The following PLEKHG5 variants were observed in gnomAD, a reference collection of about 807,000 sequenced individuals.
The protein encoded by PLEKHG5 is pleckstrin homology and RhoGEF domain containing G5, also known as pleckstrin homology domain-containing family G member 5.
Under a neutral mutation model 103.8 loss-of-function variants are expected in PLEKHG5, and 52 were observed. The observed-to-expected ratio is 0.50, with a 90% CI of 0.40 to 0.63. PLEKHG5 has a LOEUF of 0.63. Among genes scored for constraint, PLEKHG5 ranks in the 30% least tolerant of loss-of-function variants. PLEKHG5 has a pLI of 0.00. For missense variants in PLEKHG5, 1,205 were observed against 1,347.6 expected, an observed-to-expected ratio of 0.89 and a Z score of 1.66; for synonymous variants, 592 against 575.5, an observed-to-expected ratio of 1.03 and a Z score of -0.41.
chr1:6,474,886 A>G, intron 5 of PLEKHG5, 161 bp downstream of exon 5: 1 of 741,032 alleles, frequency 1.3e-6, no homozygotes, highest in Admixed American at 1.8e-5. Context: ...ACTCCCTCAC[A>G]CTGGCGTGCA....
intron 1 of PLEKHG5, among the ~76,000 whole-genome samples, chr1:6,511,688 C>T (rs971593336): frequency 2.0e-5 from 3 of 152,228 alleles, no homozygotes; most frequent in Admixed American, 6.5e-5. Flanking sequence ...GCTCACAGAG[C>T]GAGGACTGGG....
chr1:6,469,343 T>C lies in PLEKHG5; in HGVS notation c.2041A>G (p.Asn681Asp). ...LCRGWVDTIYNAQNQLQQLRA... is the reference protein window; with the variant it reads ...LCRGWVDTIYDAQNQLQQLRA... ...CACTACTCTGCACTCACCTGGGCAT[T>C]GTAAATGGTGTCCACCCAGCCACGG... The change falls in exon 18 of 21, where the codon AAT becomes GAT. Residue 681 changes from asparagine (N) to aspartate (D), a missense_variant. Transcript: ENST00000377728. 2.5e-6 allele frequency: 4 copies of C among 1,613,956 alleles called. No homozygotes were observed. The highest frequency in any genetic ancestry group is 1.7e-6 in the Non-Finnish European group (2 of 1,179,864).
upstream of PLEKHG5, among the ~76,000 whole-genome samples, chr1:6,496,010 G>GTT (rs1645218776): frequency 6.6e-6 from 1 of 152,166 alleles, no homozygotes; most frequent in Admixed American, 6.5e-5. Flanking sequence ...AGGATCAACT[G>GTT]GCCCCTTCCT....
upstream of PLEKHG5, among the ~76,000 whole-genome samples, chr1:6,493,945 C>T (rs1645185418): frequency 6.7e-6 from 1 of 150,328 alleles, no homozygotes; most frequent in South Asian, 2.1e-4. Context: ...CAGGCATGAG[C>T]CCCTGCGCCT....
At chr1:6,504,937 G>T (rs923518042) in intron 1 of PLEKHG5, among the ~76,000 whole-genome samples, 3 of 152,084 alleles carry the variant, frequency 2.0e-5, no homozygotes, top group Non-Finnish European at 2.9e-5. Context: ...AATGTGGACC[G>T]CAGGCTGAAC....
upstream of PLEKHG5, among the ~76,000 whole-genome samples, chr1:6,494,320 G>A (rs998486623): frequency 1.3e-5 from 2 of 151,372 alleles, no homozygotes; most frequent in African/African-American, 2.4e-5. Flanking sequence ...TAGTAGAGAT[G>A]GGGTTTCGCC....
upstream of PLEKHG5, among the ~76,000 whole-genome samples, chr1:6,500,491 C>T (rs1474359495): frequency 3.9e-5 from 6 of 152,128 alleles, no homozygotes; most frequent in East Asian, 1.9e-4. Flanking sequence ...GACCTCAGCC[C>T]GACCCTAAGC....
At chr1:6,508,336 G>A (rs1216886632) in intron 1 of PLEKHG5, among the ~76,000 whole-genome samples, 1 of 152,146 alleles carries the variant, frequency 6.6e-6, no homozygotes, top group African/African-American at 2.4e-5. Flanking sequence ...CTCCAAATGT[G>A]CCTCCTGCCT....
At chr1:6,469,895 G>A (rs1026784980) in intron 16 of PLEKHG5, among the ~76,000 whole-genome samples, 1 of 152,242 alleles carries the variant, frequency 6.6e-6, no homozygotes, top group Admixed American at 6.5e-5. Flanking sequence ...GAAGACTGGT[G>A]ACTTTGAAGT....
In PLEKHG5 at chr1:6,467,218, G is replaced by A; in HGVS notation, c.*345C>T. 1 of 498,696 alleles carries A rather than the reference G, an allele frequency of 2.0e-6. No homozygotes were observed. The highest frequency in any genetic ancestry group is 3.7e-5 in the East Asian group (1 of 27,220). The allele number at this position is 498,696 out of a possible 1,614,324, so 30.9% of individuals were successfully genotyped here. ...AGCCAGGGGTGGCCTGTGGGACTGGGAAGGTGGGGGCAGGGCAGGAGTGAA... is the reference window on the plus strand; with the variant it reads ...AGCCAGGGGTGGCCTGTGGGACTGGAAAGGTGGGGGCAGGGCAGGAGTGAA... On this transcript the variant is annotated 3_prime_UTR_variant, in exon 21 of 21. Transcript: ENST00000377728.
rs1638283690 is a variant in PLEKHG5, at chr1:6,505,379, C to T, written c.-164-8810G>A. ...CAGCACAGGTGCGCCCTGCCTCTGCCACCGCTGTTTGAAGCTCCCTGTGTG... is the reference window on the plus strand; with the variant it reads ...CAGCACAGGTGCGCCCTGCCTCTGCTACCGCTGTTTGAAGCTCCCTGTGTG... On this transcript the variant is annotated intron_variant, in intron 1 of 21. Transcript: ENST00000377740. The surrounding 1 kb of genome is among the most constrained non-coding windows in gnomAD (Gnocchi z 4.2). 1.3e-5 allele frequency among the ~76,000 whole-genome samples: 2 copies of T among 152,248 alleles called. No individual in the cohort carries two copies. The highest frequency in any genetic ancestry group is 1.5e-5 in the Non-Finnish European group (1 of 68,026).
At position 6,468,405 on chromosome 1, in the gene PLEKHG5, G is replaced by C. The variant is rs538561788; in HGVS notation, c.2431C>G (p.Arg811Gly). Residue 811 changes from arginine to glycine, a missense_variant, in exon 20 of 21, where the codon CGC becomes GGC. Physicochemically the swap from Arg to Gly is moderately radical, Grantham distance 125 (BLOSUM62 -2). Transcript: ENST00000377728. ...ELLPLGPVDG[R>G]SCSMDSAYGT... The stretch of plus-strand genomic sequence containing the variant: ...TAGGCAGAGTCCATGGAGCAGGAGC[G>C]GCCGTCCACCGGACCCAGGGGCAGC... The C allele has an allele frequency of 1.2e-6, 2 of 1,611,362 alleles. No individual in the cohort carries two copies. Among genetic ancestry groups the C allele is most frequent in the Non-Finnish European group, 1.7e-6 (2 of 1,179,198 alleles).
chr1:6,502,634 C>T (rs931466745), intron 1 of PLEKHG5, among the ~76,000 whole-genome samples: 11 of 152,204 alleles, frequency 7.2e-5, no homozygotes, highest in African/African-American at 2.2e-4. Flanking sequence ...TCAGAGGAAC[C>T]GAGAGTGACC....
chr1:6,469,145 C>A lies in PLEKHG5; in HGVS notation c.2146G>T (p.Glu716Ter). The A allele has an allele frequency of 6.2e-7, 1 of 1,612,576 alleles. No homozygotes were observed. Among genetic ancestry groups the A allele is most frequent in the Non-Finnish European group, 8.5e-7 (1 of 1,179,518 alleles). ...CCTTCCTCCTCCTCCTCCTCCTCCT[C>A]CTCTTCCTCCTCCTGCTCATCCTCC... ...EEEDEQEEEE[E>*]EEEEEEEGED... Residue 716 changes from glutamate to a stop codon, truncating the protein, a stop_gained, in exon 19 of 21, where the codon GAG (glutamate) becomes TAG (stop). Transcript: ENST00000377728. LOFTEE classifies it high-confidence loss of function.
intron 1 of PLEKHG5, among the ~76,000 whole-genome samples, chr1:6,502,543 G>T (rs1442573881): frequency 1.3e-5 from 2 of 152,246 alleles, no homozygotes; most frequent in Non-Finnish European, 1.5e-5. Context: ...ACAGGCCTGG[G>T]GCCAGCCGGC....
At position 6,471,524 on chromosome 1, in the gene PLEKHG5, C is replaced by T; in HGVS notation, c.1245G>A (p.Leu415=). The T allele has an allele frequency of 3.1e-6, 5 of 1,610,398 alleles. No homozygotes were observed. The highest frequency in any genetic ancestry group is 4.2e-6 in the Non-Finnish European group (5 of 1,179,014). The part of the protein sequence containing the change: ...VLEKARRTRA[L]LQPGDFLKGF... The stretch of plus-strand genomic sequence containing the variant: ...CTTTGAGGAAGTCCCCGGGCTGTAG[C>T]AGCGCTCGCGTGCGCCGCGCCTTCT... The change falls in exon 12 of 21, where the codon CTG becomes CTA. Residue 415 remains leucine (L), a synonymous_variant. Coordinates refer to ENST00000377728, the MANE Select transcript of PLEKHG5 (RefSeq NM_020631.6).
chr1:6,489,403 C>G (rs1285634374), intron 1 of PLEKHG5, among the ~76,000 whole-genome samples: 1 of 152,196 alleles, frequency 6.6e-6, no homozygotes, highest in Non-Finnish European at 1.5e-5. Context: ...GGGCAGATGG[C>G]AGGGACACAG....
intron 1 of PLEKHG5, among the ~76,000 whole-genome samples, chr1:6,506,802 C>T (rs1001888980): frequency 6.6e-5 from 10 of 152,206 alleles, no homozygotes; most frequent in Non-Finnish European, 1.0e-4. Flanking sequence ...CTCAGCCTGC[C>T]TGTGAGGTCT....
At chr1:6,475,598 G>A (rs1644744647) in intron 3 of PLEKHG5, 76 bp from the exon 4 acceptor site, 1 of 1,271,856 alleles carries the variant, frequency 7.9e-7, no homozygotes. Context: ...TGGGCCTGTG[G>A]CCTCCCCGCC....
Sources: gnomAD v4.1 joint callset for allele counts (sites outside exome capture counted in the v4.1 genomes callset) on GRCh38, gnomAD v4.1.1 for gene constraint, Gnocchi (gnomAD v3.1) non-coding constraint, MANE v1.5 for transcripts, NCBI Gene and HGNC (gene_info 2026-07-23, HGNC 2026-07-21) for gene names.